The following KCNC3 variants were observed in gnomAD, a reference collection of about 807,000 sequenced individuals.
KCNC3 encodes the protein potassium voltage-gated channel subfamily C member 3, also known as voltage-gated potassium channel KCNC3.
KCNC3 carries 22 observed loss-of-function variants against 43.9 expected under a neutral mutation model. The observed-to-expected ratio is 0.50, with a 90% CI of 0.36 to 0.72. The LOEUF is 0.72. Among genes scored for constraint, KCNC3 ranks in the 30% least tolerant of loss-of-function variants. KCNC3 has a pLI of 0.00. For missense variants in KCNC3, 829 were observed against 1,073.8 expected (o/e 0.77, Z 3.19); for synonymous variants, 492 against 488.0 (o/e 1.01, Z -0.11).
At position 50,328,469 on chromosome 19, in the gene KCNC3, GGCGCCTCGAAGGAGTCGA is replaced by G; in HGVS notation, c.596_613del (p.Leu199_Ala204del). On this transcript the variant is annotated inframe_deletion, in exon 1 of 5. Transcript: ENST00000477616. ...GGCGTTGGCGGCGCCCGCGGGGTCGGGCGCCTCGAAGGAGTCGAGCGCCTCCTCAGCGTCGCGATGCTG... is the reference window on the plus strand; with the variant it reads ...GGCGTTGGCGGCGCCCGCGGGGTCGGGCGCCTCCTCAGCGTCGCGATGCTG... 6.2e-7 allele frequency: 1 copy of G among 1,601,922 alleles called. No homozygotes were observed. Among genetic ancestry groups the G allele is most frequent in the Non-Finnish European group, 8.5e-7 (1 of 1,175,846 alleles).
rs762845919 is a variant in KCNC3, at chr19:50,323,362, T to C, written c.1591A>G (p.Ile531Val). The C allele has an allele frequency of 6.2e-7, 1 of 1,614,162 alleles. No homozygotes were observed. The highest frequency in any genetic ancestry group is 8.5e-7 in the Non-Finnish European group (1 of 1,180,030). Reference protein sequence around the residue: ...ALCALAGVLTIAMPVPVIVNN... With the variant: ...ALCALAGVLTVAMPVPVIVNN... The stretch of plus-strand genomic sequence containing the variant: ...ACAATGACGGGCACAGGCATGGCGA[T>C]GGTCAGCACCCCCGCCAGGGCACAC... The change falls in exon 2 of 5, where the codon ATC becomes GTC. Residue 531 changes from isoleucine to valine, a missense_variant. Around this residue, in one of 7 missense-constraint regions of KCNC3, gnomAD observed 33 missense variants for 96.0 expected, o/e 0.34. Transcript: ENST00000477616.
intron 1 of KCNC3, among the ~76,000 whole-genome samples, chr19:50,327,962 G>C (rs763396981): frequency 6.6e-6 from 1 of 151,388 alleles, no homozygotes. Flanking sequence ...GCCTTGGCGG[G>C]GGAGGGGGAA....
intron 1 of KCNC3, among the ~76,000 whole-genome samples, chr19:50,325,484 G>A (rs545220193): frequency 6.6e-6 from 1 of 151,638 alleles, no homozygotes; most frequent in East Asian, 1.9e-4. Context: ...TGACTTCACT[G>A]AGGTGCAGAG....
rs1181846721 is a variant in KCNC3, at chr19:50,329,188, T to A, written c.-106A>T. 3.8e-6 allele frequency: 1 copy of A among 260,880 alleles called. No homozygotes were observed. The highest frequency in any genetic ancestry group is 2.7e-5 in the African/African-American group (1 of 36,956). 16.2% of individuals were successfully genotyped at this position (260,880 alleles called of 1,614,324 possible). ...AGGAGCGAGGTAGCGGGGGCGTGGC[T>A]TAGGGGAGAGGAACCAAACTGATTG... is the stretch of plus-strand genomic sequence containing the variant. On this transcript the variant is annotated 5_prime_UTR_variant, in exon 1 of 5. It adds an upstream start codon to the 5' untranslated region. Coordinates refer to ENST00000477616, the MANE Select transcript of KCNC3 (RefSeq NM_004977.3).
chr19:50,318,039 C>T (rs2036978642), intron 4 of KCNC3, among the ~76,000 whole-genome samples: 1 of 152,180 alleles, frequency 6.6e-6, no homozygotes, highest in Non-Finnish European at 1.5e-5. Context: ...ATGATACTCC[C>T]ACCTTGGCCT....
At chr19:50,325,439 A>ACCCC (rs993300379) in intron 1 of KCNC3, among the ~76,000 whole-genome samples, 1 of 151,198 alleles carries the variant, frequency 6.6e-6, no homozygotes, top group South Asian at 2.1e-4. Flanking sequence ...CCCTCTGTGC[A>ACCCC]CCCCCCTTCC....
chr19:50,332,854 C>T (rs1004037410), upstream of KCNC3, among the ~76,000 whole-genome samples: 7 of 152,150 alleles, frequency 4.6e-5, no homozygotes, highest in African/African-American at 1.4e-4. The surrounding 1 kb of genome is among the most constrained non-coding windows in gnomAD (Gnocchi z 5.8). Flanking sequence ...ATAACCCTCC[C>T]TCCCCCATTA....
chr19:50,331,476 C>G (rs1353272933), upstream of KCNC3, among the ~76,000 whole-genome samples: 1 of 151,024 alleles, frequency 6.6e-6, no homozygotes, highest in South Asian at 2.1e-4. Context: ...TCTCTGACAA[C>G]CTCTTTCCCC....
At chr19:50,331,222 C>T (rs1030331504), upstream of KCNC3, among the ~76,000 whole-genome samples, 1 of 136,284 alleles carries the variant, frequency 7.3e-6, no homozygotes, top group African/African-American at 3.3e-5. Context: ...CTTTGCTCCT[C>T]TTCTCTCTAG....
At chr19:50,332,628 G>A (rs2037200766), upstream of KCNC3, among the ~76,000 whole-genome samples, 1 of 152,084 alleles carries the variant, frequency 6.6e-6, no homozygotes, top group African/African-American at 2.4e-5. This position sits in a 1 kb window ranked among gnomAD's most constrained non-coding sequence, Gnocchi z 5.8. Context: ...GCTTCATGAG[G>A]GCTCCAAATA....
chr19:50,315,826 T>A lies in KCNC3; in HGVS notation c.*289A>T, dbSNP rs1378871645. 1.2e-5 allele frequency: 3 copies of A among 257,742 alleles called. No homozygotes were observed. Among genetic ancestry groups the A allele is most frequent in the Non-Finnish European group, 2.3e-5 (3 of 128,494 alleles). 16.0% of individuals were successfully genotyped at this position (257,742 alleles called of 1,614,324 possible). A position where few individuals can be genotyped will look rare whatever the true frequency, so the allele number is the denominator to read the frequency against. ...ATCTCACAGCTAATGGGACTCAAGA[T>A]CCAGCAACAGTGTGTGTGGTTTCTG... On this transcript the variant is annotated 3_prime_UTR_variant, in exon 5 of 5. Transcript: ENST00000477616.
rs1057519247 is a variant in KCNC3, at chr19:50,329,037, C to A, written c.46G>T (p.Ala16Ser). The stretch of plus-strand genomic sequence containing the variant: ...GGTGGCGCCGGCTGCTGCTTGCTGG[C>A]CCCCTGGCGCCCGCGGAAGGACGAG... The part of the protein sequence containing the change: ...CVSSFRGRQG[A>S]SKQQPAPPPQ... Residue 16 changes from alanine to serine, a missense_variant, in exon 1 of 5, where the codon GCC (alanine) becomes TCC (serine). By Grantham distance (99) the Ala-to-Ser change is moderately conservative. Coordinates refer to ENST00000477616, the MANE Select transcript of KCNC3 (RefSeq NM_004977.3). The A allele has an allele frequency of 4.5e-6, 6 of 1,344,940 alleles. No individual in the cohort carries two copies. The highest frequency in any genetic ancestry group is 3.8e-6 in the Non-Finnish European group (4 of 1,041,354). 83.3% of individuals were successfully genotyped at this position (1,344,940 alleles called of 1,614,324 possible).
Position 50,329,087 on chromosome 19 carries a change from C to A in KCNC3, c.-5G>T. The A allele has an allele frequency of 1.6e-5, 2 of 124,400 alleles. No homozygotes were observed. The highest frequency in any genetic ancestry group is 1.4e-4 in the South Asian group (1 of 7,290). The allele number at this position is 124,400 out of a possible 1,614,324, so 7.7% of individuals were successfully genotyped here. ...GACGCAGACTGAGCTCAGCATTGGA[C>A]GGGGGGCGGGGCGGGAGGGGCGGGG... On this transcript the variant is annotated 5_prime_UTR_variant, in exon 1 of 5. Coordinates refer to ENST00000477616, the MANE Select transcript of KCNC3 (RefSeq NM_004977.3).
rs1248790536 is a variant in KCNC3, at chr19:50,323,956, G to A, written c.997C>T (p.Pro333Ser). The A allele has an allele frequency of 1.2e-6, 2 of 1,613,652 alleles. No individual in the cohort carries two copies. The highest frequency in any genetic ancestry group is 1.7e-6 in the Non-Finnish European group (2 of 1,179,666). Residue 333 changes from proline to serine, a missense_variant, in exon 2 of 5, where the codon CCT (proline) becomes TCT (serine). Transcript: ENST00000477616. ...TCCACGTTGGTGATGTTCTCCGGAG[G>A]TGCCCCGGGGATCGGGGAGGCCTGG... is the stretch of plus-strand genomic sequence containing the variant. ...VTQASPIPGAPPENITNVEVE... is the reference protein window; with the variant it reads ...VTQASPIPGASPENITNVEVE...
chr19:50,324,350 G>GA lies in KCNC3; in HGVS notation c.871-269dup, dbSNP rs2037076472. 6.6e-6 allele frequency among the ~76,000 whole-genome samples: 1 copy of GA among 152,200 alleles called. No individual in the cohort carries two copies. Among genetic ancestry groups the GA allele is most frequent in the African/African-American group, 2.4e-5 (1 of 41,446 alleles). The stretch of plus-strand genomic sequence containing the variant: ...AGCAGATGGGCAGCTTCTTTCCTTG[G>GA]AAACATTTCTGGCCCCTTGCTGTTT... On this transcript the variant is annotated intron_variant, in intron 1 of 4. Transcript: ENST00000477616. The surrounding 1 kb of genome is among the most constrained non-coding windows in gnomAD (Gnocchi z 4.1).
chr19:50,315,979 T>G lies in KCNC3; in HGVS notation c.*136A>C. On this transcript the variant is annotated 3_prime_UTR_variant, in exon 5 of 5. Coordinates refer to ENST00000477616, the MANE Select transcript of KCNC3 (RefSeq NM_004977.3). Reference sequence around the variant, plus strand: ...GTAGGAGGGAGGGCTTGGGGGGAGATTTGAAGCCCAGTGTCTTGGGGACAC... The same window carrying G: ...GTAGGAGGGAGGGCTTGGGGGGAGAGTTGAAGCCCAGTGTCTTGGGGACAC... The G allele has an allele frequency of 1.6e-5, 5 of 312,558 alleles. No individual in the cohort carries two copies. Among genetic ancestry groups the G allele is most frequent in the Admixed American group, 5.2e-5 (1 of 19,166 alleles). 19.4% of individuals were successfully genotyped at this position (312,558 alleles called of 1,614,324 possible).
Position 50,323,297 on chromosome 19 carries a change from C to T in KCNC3, c.1656G>A (p.Lys552=). ...FGMYYSLAMA[K]QKLPKKKNKH... ...TGTTCTTCTTCTTGGGCAGCTTCTG[C>T]TTGGCCATGGCCAGCGAATAGTACA... is the stretch of plus-strand genomic sequence containing the variant. Residue 552 remains lysine (K), a synonymous_variant, in exon 2 of 5, where the codon AAG becomes AAA. Transcript: ENST00000477616. The T allele has an allele frequency of 6.2e-7, 1 of 1,611,404 alleles. No individual in the cohort carries two copies. The highest frequency in any genetic ancestry group is 1.1e-5 in the South Asian group (1 of 91,090).
chr19:50,332,924 G>T (rs1406236606), upstream of KCNC3, among the ~76,000 whole-genome samples: 2 of 151,986 alleles, frequency 1.3e-5, no homozygotes, highest in African/African-American at 4.8e-5. This position sits in a 1 kb window ranked among gnomAD's most constrained non-coding sequence, Gnocchi z 5.8. Flanking sequence ...CCCCTTCCTT[G>T]TTCCTCTGCC....
At chr19:50,318,344 T>G (rs531600973) in intron 4 of KCNC3, among the ~76,000 whole-genome samples, 6 of 151,828 alleles carry the variant, frequency 4.0e-5, no homozygotes, top group African/African-American at 1.2e-4. Context: ...ATGGCTAATT[T>G]TTGTATTTTT....
Sources: gnomAD v4.1 joint callset for allele counts (sites outside exome capture counted in the v4.1 genomes callset) on GRCh38, gnomAD v4.1.1 for gene constraint, gnomAD v4.1.1 regional missense constraint, Gnocchi (gnomAD v3.1) non-coding constraint, MANE v1.5 for transcripts, NCBI Gene and HGNC (gene_info 2026-07-23, HGNC 2026-07-21) for gene names.